Variants in SUMF1 observed in about 807,000 individuals in gnomAD.
SUMF1 encodes the protein formylglycine-generating enzyme.
SUMF1 carries 48 observed loss-of-function variants against 47.6 expected under a neutral mutation model. The observed-to-expected ratio is 1.01, with a 90% CI of 0.80 to 1.28. The LOEUF (loss-of-function observed/expected upper bound fraction) is 1.28, where lower values mean the gene tolerates loss of function less well. SUMF1 is among the 50% of genes most tolerant of loss of function. The pLI is 0.00. For missense variants in SUMF1, 571 were observed against 485.4 expected, an observed-to-expected ratio of 1.18 and a Z score of -1.66; for synonymous variants, 230 against 192.1, an observed-to-expected ratio of 1.20 and a Z score of -1.63.
At chr3:4,345,562 A>C (rs192753495) in intron 8 of SUMF1, among the ~76,000 whole-genome samples, 162 of 152,360 alleles carry the variant, frequency 1.1e-3, no homozygotes, top group South Asian at 2.3e-3. Flanking sequence ...AAAAACTGGT[A>C]GCAGCCACTG....
Position 4,467,264 on chromosome 3 carries a change from T to G in SUMF1, c.-19A>C, listed in dbSNP as rs746124382. Reference sequence around the variant, plus strand: ...CAGCCATGTTGTCCCGCGGGCCATGTGACCCGGTTGGTCACGTGGCTGAGC... The same window carrying G: ...CAGCCATGTTGTCCCGCGGGCCATGGGACCCGGTTGGTCACGTGGCTGAGC... On this transcript the variant is annotated 5_prime_UTR_variant, in exon 1 of 9. Coordinates refer to ENST00000272902, the MANE Select transcript of SUMF1 (RefSeq NM_182760.4). The G allele has an allele frequency of 1.2e-6, 2 of 1,602,918 alleles. No homozygotes were observed. Among genetic ancestry groups the G allele is most frequent in the Admixed American group, 3.4e-5 (2 of 58,844 alleles).
At chr3:4,348,510 C>G (rs542051684) in intron 8 of SUMF1, among the ~76,000 whole-genome samples, 16 of 152,200 alleles carry the variant, frequency 1.1e-4, no homozygotes, top group African/African-American at 3.9e-4. Flanking sequence ...TTCCTTACAC[C>G]TTGTACAAAC....
At chr3:4,291,316 T>A (rs1298708956) in intron 8 of SUMF1, among the ~76,000 whole-genome samples, 1 of 152,082 alleles carries the variant, frequency 6.6e-6, no homozygotes, top group East Asian at 1.9e-4. Flanking sequence ...ATAATCCAGA[T>A]ATTTTCGCTT....
chr3:4,136,770 T>G (rs1329330924), intron 8 of SUMF1, among the ~76,000 whole-genome samples: 2 of 149,444 alleles, frequency 1.3e-5, no homozygotes, highest in Non-Finnish European at 3.0e-5. Flanking sequence ...CAAACAAATT[T>G]ACAAGAAAAA....
chr3:4,165,867 C>G (rs199795603), intron 8 of SUMF1, among the ~76,000 whole-genome samples: 5 of 142,490 alleles, frequency 3.5e-5, no homozygotes, highest in Admixed American at 6.9e-5. Flanking sequence ...TTGTTTCCCC[C>G]CCCCCCCCGA....
intron 8 of SUMF1, among the ~76,000 whole-genome samples, chr3:4,233,275 T>C (rs753819783): frequency 1.3e-5 from 2 of 152,118 alleles, no homozygotes; most frequent in Non-Finnish European, 1.5e-5. Context: ...CAATGTTAGT[T>C]GATGTGTTTA....
intron 3 of SUMF1, among the ~76,000 whole-genome samples, chr3:4,442,264 T>A (rs1559302331): frequency 2.0e-5 from 3 of 151,578 alleles, no homozygotes; most frequent in African/African-American, 7.3e-5. Context: ...ACTCTTTTTT[T>A]TTTTTTTTTG....
chr3:4,273,806 G>GGGAGGATAC (rs1697357944), intron 8 of SUMF1, among the ~76,000 whole-genome samples: 1 of 120,798 alleles, frequency 8.3e-6, no homozygotes, highest in Non-Finnish European at 1.8e-5. Context: ...GGGCATGGGA[G>GGGAGGATAC]GGGAGGGCAT....
chr3:4,040,211 T>G (rs190515592), intron 9 of SUMF1, among the ~76,000 whole-genome samples: 411 of 152,272 alleles, frequency 2.7e-3, no homozygotes, highest in Non-Finnish European at 4.6e-3. Flanking sequence ...AATTTTAATT[T>G]GTCAATTATA....
chr3:4,203,127 G>C (rs1020605249), intron 8 of SUMF1, among the ~76,000 whole-genome samples: 1 of 151,874 alleles, frequency 6.6e-6, no homozygotes, highest in African/African-American at 2.4e-5. Flanking sequence ...TGCCAATTAA[G>C]TGTGATAGTT....
intron 9 of SUMF1, among the ~76,000 whole-genome samples, chr3:4,065,069 T>G (rs1695345910): frequency 1.3e-5 from 2 of 152,156 alleles, no homozygotes; most frequent in Admixed American, 1.3e-4. Context: ...TAACTCTGAT[T>G]TATGGTATGT....
At chr3:4,466,308 C>A (rs1204342997) in intron 1 of SUMF1, among the ~76,000 whole-genome samples, 5 of 151,920 alleles carry the variant, frequency 3.3e-5, no homozygotes, top group Non-Finnish European at 5.9e-5. Flanking sequence ...GACGGGGTTT[C>A]GCCATGTTGG....
intron 8 of SUMF1, among the ~76,000 whole-genome samples, chr3:4,098,042 C>T (rs1430082451): frequency 1.3e-5 from 2 of 152,222 alleles, no homozygotes; most frequent in African/African-American, 4.8e-5. Context: ...ACAATGTCTC[C>T]GCTGAAATGC....
chr3:4,061,897 G>C (rs930009943), intron 9 of SUMF1, among the ~76,000 whole-genome samples: 4 of 152,070 alleles, frequency 2.6e-5, no homozygotes, highest in Non-Finnish European at 5.9e-5. Context: ...GCCGCTTTAG[G>C]CTACACTTAA....
intron 8 of SUMF1, among the ~76,000 whole-genome samples, chr3:4,306,091 T>C (rs547228461): frequency 6.6e-6 from 1 of 152,314 alleles, no homozygotes; most frequent in East Asian, 1.9e-4. Context: ...AAACGCACTC[T>C]ACCCTCAAGG....
intron 8 of SUMF1, among the ~76,000 whole-genome samples, chr3:4,288,671 A>C (rs529031729): frequency 2.0e-5 from 3 of 152,140 alleles, no homozygotes; most frequent in East Asian, 3.9e-4. Context: ...GGTGGCATGC[A>C]CCTGTAATCC....
intron 8 of SUMF1, among the ~76,000 whole-genome samples, chr3:4,093,635 G>A (rs1692837448): frequency 6.6e-6 from 1 of 152,078 alleles, no homozygotes; most frequent in African/African-American, 2.4e-5. Context: ...AATTGCAAAT[G>A]GTTTGGTGGA....
chr3:4,342,977 C>T (rs1699301747), intron 8 of SUMF1, among the ~76,000 whole-genome samples: 1 of 152,238 alleles, frequency 6.6e-6, no homozygotes, highest in African/African-American at 2.4e-5. Context: ...AAAAGCCCCA[C>T]GGCTCAGGGG....
chr3:4,330,253 T>G (rs1699023744), intron 8 of SUMF1, among the ~76,000 whole-genome samples: 1 of 152,210 alleles, frequency 6.6e-6, no homozygotes, highest in South Asian at 2.1e-4. Flanking sequence ...TCTTCCACAT[T>G]TTTTGGGTAT....
Sources: allele counts gnomAD v4.1 joint callset (sites outside exome capture counted in the v4.1 genomes callset), GRCh38; gene constraint gnomAD v4.1.1; transcripts MANE v1.5; gene names NCBI Gene and HGNC (gene_info 2026-07-23, HGNC 2026-07-21).